RMDN2: variants seen among roughly 807,000 people sequenced by gnomAD.
RMDN2 encodes regulator of microtubule dynamics protein 2.
In RMDN2, 61 loss-of-function variants were observed where a neutral mutation model predicts 52.8. The observed-to-expected ratio is 1.16, with a 90% CI of 0.94 to 1.43. RMDN2 has a LOEUF of 1.43. RMDN2 is among the 40% of genes most tolerant of loss of function. RMDN2 has a pLI of 0.00. For missense variants in RMDN2, 592 were observed against 475.3 expected, an observed-to-expected ratio of 1.25 and a Z score of -2.28; for synonymous variants, 180 against 153.1, an observed-to-expected ratio of 1.18 and a Z score of -1.30.
At chr2:37,981,548 T>C (rs1306397485) in intron 5 of RMDN2, among the ~76,000 whole-genome samples, 2 of 152,258 alleles carry the variant, frequency 1.3e-5, no homozygotes, top group Admixed American at 1.3e-4. Flanking sequence ...AGGGAAACTT[T>C]TATTGAAAAA....
chr2:38,037,216 A>C (rs1186112526), intron 10 of RMDN2, among the ~76,000 whole-genome samples: 1 of 152,216 alleles, frequency 6.6e-6, no homozygotes, highest in African/African-American at 2.4e-5. Flanking sequence ...AGATTTTGTA[A>C]GGAAGATCAA....
At chr2:38,040,913 G>T (rs900574817) in intron 10 of RMDN2, among the ~76,000 whole-genome samples, 37 of 151,986 alleles carry the variant, frequency 2.4e-4, no homozygotes, top group African/African-American at 7.5e-4. Context: ...TTGTACTTTT[G>T]CACATATAGA....
At chr2:37,969,963 T>C (rs1210812699) in intron 2 of RMDN2, among the ~76,000 whole-genome samples, 2 of 151,988 alleles carry the variant, frequency 1.3e-5, no homozygotes. Flanking sequence ...AACAGTTTCT[T>C]ACTCTGTCTC....
chr2:38,016,439 TTGTC>T (rs778991705), intron 10 of RMDN2, among the ~76,000 whole-genome samples: 2 of 152,216 alleles, frequency 1.3e-5, no homozygotes, highest in African/African-American at 4.8e-5. Flanking sequence ...AAAGAACTCT[TTGTC>T]TGTAGTCAGT....
chr2:38,003,599 GATA>G, intron 8 of RMDN2, among the ~76,000 whole-genome samples: 2 of 151,918 alleles, frequency 1.3e-5, no homozygotes, highest in Non-Finnish European at 2.9e-5. Context: ...TAGATAGATA[GATA>G]GGCAGACAGA....
At chr2:38,055,119 A>G (rs1483539138) in intron 10 of RMDN2, among the ~76,000 whole-genome samples, 3 of 152,050 alleles carry the variant, frequency 2.0e-5, no homozygotes, top group Non-Finnish European at 2.9e-5. Context: ...CTATTTCCTC[A>G]GTGAGGCCAG....
At chr2:37,922,886 G>A (rs551015198), upstream of RMDN2, among the ~76,000 whole-genome samples, 5 of 152,200 alleles carry the variant, frequency 3.3e-5, no homozygotes, top group Non-Finnish European at 2.9e-5. Context: ...GTGGAGAGAC[G>A]ATCAGTAGCT....
intron 7 of RMDN2, among the ~76,000 whole-genome samples, chr2:37,991,543 T>C (rs1674790578): frequency 6.6e-6 from 1 of 152,088 alleles, no homozygotes; most frequent in South Asian, 2.1e-4. Flanking sequence ...AATTTATATA[T>C]ATTTGTATGT....
At chr2:38,042,421 A>C in intron 10 of RMDN2, among the ~76,000 whole-genome samples, 1 of 50,986 alleles carries the variant, frequency 2.0e-5, no homozygotes, top group South Asian at 1.4e-3. Context: ...ACACACACAC[A>C]CACCACACAC....
chr2:37,966,885 G>A (rs569961823), intron 2 of RMDN2, among the ~76,000 whole-genome samples: 1 of 152,180 alleles, frequency 6.6e-6, no homozygotes, highest in African/African-American at 2.4e-5. Context: ...CACTAAGAAG[G>A]ATAAGACATT....
chr2:38,064,357 G>T (rs62136339), intron 10 of RMDN2, among the ~76,000 whole-genome samples: 48,130 of 151,928 alleles, frequency 0.32, 9,451 homozygotes, highest in South Asian at 0.5. Flanking sequence ...AGACATGGTG[G>T]TGTATGCCTG....
chr2:38,016,102 T>C (rs896686659), intron 10 of RMDN2, among the ~76,000 whole-genome samples: 19 of 152,372 alleles, frequency 1.2e-4, no homozygotes, highest in African/African-American at 4.3e-4. Context: ...AGAACACTTC[T>C]GTACGCAAAG....
At chr2:38,010,623 A>T (rs1340391411) in intron 10 of RMDN2, among the ~76,000 whole-genome samples, 1 of 152,094 alleles carries the variant, frequency 6.6e-6, no homozygotes, top group East Asian at 1.9e-4. Flanking sequence ...CCTTTCTTTG[A>T]CTAGGAAAGG....
chr2:37,968,768 T>C (rs1356187385), intron 2 of RMDN2, among the ~76,000 whole-genome samples: 1 of 152,200 alleles, frequency 6.6e-6, no homozygotes, highest in Non-Finnish European at 1.5e-5. Context: ...CATCTTAAGA[T>C]GAACTTCTCT....
intron 1 of RMDN2, among the ~76,000 whole-genome samples, chr2:37,927,882 G>C (rs1468623617): frequency 6.6e-6 from 1 of 152,164 alleles, no homozygotes; most frequent in African/African-American, 2.4e-5. Context: ...AAATTGATTG[G>C]AATCTGTTGC....
chr2:37,939,338 G>T (rs189127652), intron 2 of RMDN2, among the ~76,000 whole-genome samples: 1 of 152,106 alleles, frequency 6.6e-6, no homozygotes, highest in Non-Finnish European at 1.5e-5. Flanking sequence ...GAATAAGTGC[G>T]GTGTGGTGCT....
intron 5 of RMDN2, among the ~76,000 whole-genome samples, chr2:37,985,142 AG>A: frequency 6.6e-6 from 1 of 152,096 alleles, no homozygotes; most frequent in Non-Finnish European, 1.5e-5. Context: ...CTTGACTCAG[AG>A]TAACTTGGAG....
Position 37,929,548 on chromosome 2 carries a change from G to A in RMDN2, c.271G>A (p.Glu91Lys). 1.3e-6 allele frequency: 2 copies of A among 1,551,798 alleles called. No individual in the cohort carries two copies. The highest frequency in any genetic ancestry group is 1.7e-6 in the Non-Finnish European group (2 of 1,146,988). The change falls in exon 2 of 11, where the codon GAG becomes AAG. Residue 91 changes from glutamate to lysine, a missense_variant. Glu to Lys is a moderately conservative substitution (Grantham distance 56). Coordinates refer to ENST00000354545, the MANE Select transcript of RMDN2 (RefSeq NM_001170791.3). ...ACTGACAAATATGGAAGAACTCAAA[G>A]AGGAAATCAGATTTCTTAAAGAAGC... ...ELLTNMEELKEEIRFLKEAIP... is the reference protein window; with the variant it reads ...ELLTNMEELKKEIRFLKEAIP...
chr2:37,961,958 A>T (rs915451895), intron 2 of RMDN2, among the ~76,000 whole-genome samples: 1 of 152,186 alleles, frequency 6.6e-6, no homozygotes, highest in Admixed American at 6.5e-5. Context: ...CTCTTCTGCA[A>T]GTCTGCTGGA....
Sources: allele counts gnomAD v4.1 joint callset (sites outside exome capture counted in the v4.1 genomes callset), GRCh38; gene constraint gnomAD v4.1.1; transcripts MANE v1.5; gene names NCBI Gene and HGNC (gene_info 2026-07-23, HGNC 2026-07-21).